WWOX: variants seen among roughly 807,000 people sequenced by gnomAD.
WWOX encodes the protein WW domain-containing oxidoreductase.
In WWOX, 69 loss-of-function variants were observed where a neutral mutation model predicts 46.2. That is an observed-to-expected ratio of 1.49 (90% CI 1.23 to 1.82). The LOEUF (loss-of-function observed/expected upper bound fraction) is 1.82, where lower values mean the gene tolerates loss of function less well. WWOX is among the 40% of genes most tolerant of loss of function. The pLI, the probability that WWOX is intolerant of heterozygous loss-of-function variation, is 0.00. For missense variants in WWOX, 919 were observed against 542.6 expected, an observed-to-expected ratio of 1.69 and a Z score of -6.89; for synonymous variants, 359 against 202.6, an observed-to-expected ratio of 1.77 and a Z score of -6.56.
chr16:78,528,088 T>C (rs1597215779), intron 8 of WWOX, among the ~76,000 whole-genome samples: 1 of 141,244 alleles, frequency 7.1e-6, no homozygotes, highest in South Asian at 2.4e-4. Context: ...AAGTTCTGCC[T>C]CCTGGGTTCG....
chr16:78,815,140 C>T (rs1029470732), intron 8 of WWOX, among the ~76,000 whole-genome samples: 3 of 152,072 alleles, frequency 2.0e-5, no homozygotes, highest in African/African-American at 7.2e-5. Flanking sequence ...GCCTGGCCAA[C>T]ATAGTGAAAA....
chr16:78,738,281 G>GT (rs1462775386), intron 8 of WWOX, among the ~76,000 whole-genome samples: 1 of 152,126 alleles, frequency 6.6e-6, no homozygotes, highest in African/African-American at 2.4e-5. Flanking sequence ...TATATATTAG[G>GT]TGTGCTCTTG....
intron 8 of WWOX, among the ~76,000 whole-genome samples, chr16:79,043,618 A>C (rs2048012434): frequency 1.3e-5 from 2 of 152,208 alleles, no homozygotes; most frequent in South Asian, 4.1e-4. Context: ...AATAACACAC[A>C]AACCCACATT....
chr16:78,108,320 T>C (rs1020600885), intron 1 of WWOX, 103 bp from the exon 2 acceptor site: 8 of 1,185,376 alleles, frequency 6.7e-6, no homozygotes, highest in African/African-American at 6.2e-5. Context: ...CCTACTTCCT[T>C]CTTATATCTG....
At chr16:78,776,750 G>C (rs181747437) in intron 8 of WWOX, among the ~76,000 whole-genome samples, 9 of 152,152 alleles carry the variant, frequency 5.9e-5, no homozygotes, top group African/African-American at 1.9e-4. Context: ...AAGGAAGCTA[G>C]TGCACCTTAC....
At chr16:78,970,169 C>A (rs2151322219) in intron 8 of WWOX, among the ~76,000 whole-genome samples, 1 of 152,266 alleles carries the variant, frequency 6.6e-6, no homozygotes, top group East Asian at 1.9e-4. Context: ...ACCTCTACCC[C>A]ACACATCCTC....
chr16:78,621,233 C>A (rs765468718), intron 8 of WWOX, among the ~76,000 whole-genome samples: 1 of 152,096 alleles, frequency 6.6e-6, no homozygotes, highest in Non-Finnish European at 1.5e-5. Context: ...CTGCCAAGCT[C>A]GGTGGAATTG....
Position 78,279,451 on chromosome 16 carries a change from C to G in WWOX, c.517-107409C>G, listed in dbSNP as rs572908175. Among the ~76,000 whole-genome samples, 28 of 152,136 alleles carry G rather than the reference C, an allele frequency of 1.8e-4. No homozygotes were observed. In the South Asian group the frequency reaches 5.6e-3, roughly 30 times the overall value. On this transcript the variant is annotated intron_variant, in intron 5 of 8. Transcript: ENST00000566780. Reference sequence around the variant, plus strand: ...TATATTATAAAAAATAATTAATAAGCAACTTTTCATCATTATTTTCTGAGG... The same window carrying G: ...TATATTATAAAAAATAATTAATAAGGAACTTTTCATCATTATTTTCTGAGG...
intron 8 of WWOX, among the ~76,000 whole-genome samples, chr16:78,840,561 G>C (rs7499264): frequency 0.97 from 147,755 of 152,256 alleles, 71,780 homozygotes; most frequent in Middle Eastern, 1. Flanking sequence ...AAGCAGTATT[G>C]TTACACAGTT....
rs139423195 is a variant in WWOX, at chr16:78,859,705, T to G, written c.1057-351903T>G. 2.6e-3 allele frequency among the ~76,000 whole-genome samples: 395 copies of G among 152,286 alleles called. 3 individuals are homozygous for G. Among genetic ancestry groups the G allele is most frequent in the African/African-American group, 8.8e-3 (367 of 41,554 alleles). On this transcript the variant is annotated intron_variant, in intron 8 of 8. Coordinates refer to ENST00000566780, the MANE Select transcript of WWOX (RefSeq NM_016373.4). ...TGTACTCAAAAATTTCTCCATAGCC[T>G]TCTGGGTTAGAGGATATAACAGCTG...
At chr16:79,131,184 A>G (rs1294956176) in intron 8 of WWOX, among the ~76,000 whole-genome samples, 3 of 152,188 alleles carry the variant, frequency 2.0e-5, no homozygotes, top group Admixed American at 2.0e-4. Context: ...GCATGTAACA[A>G]GCAAGGTGAT....
chr16:79,038,765 C>G (rs1025848760), intron 8 of WWOX, among the ~76,000 whole-genome samples: 4 of 152,116 alleles, frequency 2.6e-5, no homozygotes, highest in Admixed American at 1.3e-4. Flanking sequence ...GGCCAGACTG[C>G]TCTTGAATTC....
chr16:78,256,150 A>AG (rs2038125593), intron 5 of WWOX, among the ~76,000 whole-genome samples: 2 of 21,656 alleles, frequency 9.2e-5, no homozygotes, highest in Non-Finnish European at 1.5e-4. Flanking sequence ...ACTCCATCTC[A>AG]AAAAAAAAAA....
intron 8 of WWOX, among the ~76,000 whole-genome samples, chr16:78,732,032 C>T (rs751287957): frequency 1.3e-5 from 2 of 151,504 alleles, no homozygotes; most frequent in African/African-American, 2.4e-5. Context: ...AACAAACAAA[C>T]AAAACACTTT....
chr16:78,796,300 C>G (rs1010446454), intron 8 of WWOX, among the ~76,000 whole-genome samples: 1 of 152,222 alleles, frequency 6.6e-6, no homozygotes, highest in Admixed American at 6.5e-5. Context: ...CAGCCATACC[C>G]TGGAGCCTCC....
At chr16:78,727,818 T>G (rs2048872067) in intron 8 of WWOX, among the ~76,000 whole-genome samples, 1 of 152,052 alleles carries the variant, frequency 6.6e-6, no homozygotes, top group African/African-American at 2.4e-5. Flanking sequence ...CCTACCTATG[T>G]GCCTGCCTTG....
chr16:79,166,807 G>A lies in WWOX; in HGVS notation c.1057-44801G>A, dbSNP rs148492806. Among the ~76,000 whole-genome samples the A allele has an allele frequency of 9.9e-3, 1,512 of 152,142 alleles. 32 individuals carry two copies. Among genetic ancestry groups the A allele is most frequent in the African/African-American group, 0.035 (1,444 of 41,484 alleles). ...TTAGTATATATCTTGTTAATAGTAGGCCCTGAATAAAGACCAGTTGAACAA... is the reference window on the plus strand; with the variant it reads ...TTAGTATATATCTTGTTAATAGTAGACCCTGAATAAAGACCAGTTGAACAA... On this transcript the variant is annotated intron_variant, in intron 8 of 8. Transcript: ENST00000566780.
chr16:78,334,968 A>G (rs1361580382), intron 5 of WWOX, among the ~76,000 whole-genome samples: 4 of 151,038 alleles, frequency 2.6e-5, no homozygotes, highest in African/African-American at 9.7e-5. Context: ...GGCGTTTATT[A>G]TGAGATACAC....
intron 8 of WWOX, among the ~76,000 whole-genome samples, chr16:78,640,020 C>G (rs1269058164): frequency 6.6e-6 from 1 of 152,062 alleles, no homozygotes; most frequent in Non-Finnish European, 1.5e-5. Context: ...TAGCCTGTGA[C>G]CACACAGATA....
Sources: allele counts gnomAD v4.1 joint callset (sites outside exome capture counted in the v4.1 genomes callset), GRCh38; gene constraint gnomAD v4.1.1; transcripts MANE v1.5; gene names NCBI Gene and HGNC (gene_info 2026-07-23, HGNC 2026-07-21).